Variants in FBXO11 observed in about 807,000 individuals in gnomAD.
The protein encoded by FBXO11 is F-box protein 11.
A neutral mutation model predicts 117.0 loss-of-function variants in FBXO11; 13 were observed. That is an observed-to-expected ratio of 0.11 (90% CI 0.07 to 0.18). FBXO11 has a LOEUF of 0.18. Among genes scored for constraint, FBXO11 ranks in the 10% least tolerant of loss-of-function variants. The probability of loss-of-function intolerance (pLI) is 1.00; values close to 1 mark genes in which losing one functional copy is unlikely to be tolerated. For missense variants in FBXO11, 767 were observed against 1,164.4 expected, an observed-to-expected ratio of 0.66 and a Z score of 4.97; for synonymous variants, 490 against 380.5, an observed-to-expected ratio of 1.29 and a Z score of -3.35.
At chr2:47,857,781 A>G (rs1365557293) in intron 1 of FBXO11, among the ~76,000 whole-genome samples, 1 of 152,220 alleles carries the variant, frequency 6.6e-6, no homozygotes, top group African/African-American at 2.4e-5. Context: ...AATATACAAA[A>G]CTGGCAGACG....
chr2:47,856,965 T>C (rs916448162), intron 1 of FBXO11, among the ~76,000 whole-genome samples: 1 of 152,230 alleles, frequency 6.6e-6, no homozygotes, highest in Non-Finnish European at 1.5e-5. Context: ...GGTAAGAATG[T>C]TGTATGTAGA....
rs755682143 is a variant in FBXO11, at chr2:47,839,652, T to C, written c.350A>G (p.Asn117Ser). 13 of 1,614,100 alleles carry C rather than the reference T, an allele frequency of 8.1e-6. No individual in the cohort carries two copies. Among genetic ancestry groups the C allele is most frequent in the Non-Finnish European group, 1.1e-5 (13 of 1,180,014 alleles). Reference protein sequence around the residue: ...LPKRTACPTKNSMEGASTSTT... With the variant: ...LPKRTACPTKSSMEGASTSTT... ...TACAGTTAAAGTTACCTCCATACTG[T>C]TCTTTGTGGGACACGCTGTTCTTTT... is the stretch of plus-strand genomic sequence containing the variant. Residue 117 changes from asparagine to serine, a missense_variant, in exon 2 of 23, where the codon AAC (asparagine) becomes AGC (serine). Coordinates refer to ENST00000403359, the MANE Select transcript of FBXO11 (RefSeq NM_001190274.2).
chr2:47,813,425 ATTT>A (rs564540671), intron 17 of FBXO11, 48 bp from the exon 18 acceptor site: 21,219 of 387,556 alleles, frequency 0.055, 91 homozygotes, highest in Non-Finnish European at 0.064. Context: ...TTTCTTTTTA[ATTT>A]TTTTTTTTTT....
intron 1 of FBXO11, chr2:47,883,625 T>C: frequency 3.1e-6 from 1 of 321,566 alleles, no homozygotes; most frequent in Non-Finnish European, 6.3e-6. Flanking sequence ...GTACTTTATC[T>C]AACTACAACA....
chr2:47,891,566 G>C (rs1572914853), intron 1 of FBXO11, among the ~76,000 whole-genome samples: 1 of 152,184 alleles, frequency 6.6e-6, no homozygotes. Context: ...ATTGTGAATA[G>C]TGCCATTATA....
chr2:47,905,553 C>T lies in FBXO11; in HGVS notation c.168G>A (p.Gln56=), dbSNP rs1459312469. The change falls in exon 1 of 23, where the codon CAG becomes CAA. Residue 56 remains glutamine (Q), a synonymous_variant. Transcript: ENST00000403359. ...GAGGCGGCGGTGGCGGCGGCGGAGG[C>T]TGCTGCTGCTGCTGCTGCTGCGGCG... is the stretch of plus-strand genomic sequence containing the variant. The part of the protein sequence containing the change: ...PPPPQQQQQQ[Q]PPPPPPPPPP... The T allele has an allele frequency of 1.8e-5, 21 of 1,178,632 alleles. No homozygotes were observed. The highest frequency in any genetic ancestry group is 3.8e-5 in the South Asian group (1 of 26,646). The allele number at this position is 1,178,632 out of a possible 1,614,324, so 73.0% of individuals were successfully genotyped here. A position where few individuals can be genotyped will look rare whatever the true frequency, so the allele number is the denominator to read the frequency against.
At chr2:47,834,732 C>A in intron 6 of FBXO11, 21 bp from the exon 7 acceptor site, 1 of 1,606,938 alleles carries the variant, frequency 6.2e-7, no homozygotes, top group Non-Finnish European at 8.5e-7. Context: ...ATAAATGTGT[C>A]AGTACAGAAC....
intron 1 of FBXO11, among the ~76,000 whole-genome samples, chr2:47,885,550 G>A (rs951060671): frequency 5.9e-5 from 9 of 152,100 alleles, no homozygotes; most frequent in Middle Eastern, 3.4e-3. Flanking sequence ...ACTCCAGCCT[G>A]GGCAACATAG....
intron 14 of FBXO11, among the ~76,000 whole-genome samples, chr2:47,820,039 A>G (rs1558410966): frequency 6.6e-6 from 1 of 152,216 alleles, no homozygotes; most frequent in African/African-American, 2.4e-5. Context: ...TGGTGTAACA[A>G]ATATAATAGA....
chr2:47,905,388 G>A, intron 1 of FBXO11, 101 bp downstream of exon 1: 1 of 1,072,560 alleles, frequency 9.3e-7, no homozygotes, highest in Non-Finnish European at 1.1e-6. Context: ...CCACCCCCAG[G>A]GCGCGCAGGC....
chr2:47,842,090 A>T (rs1002059147), intron 1 of FBXO11, among the ~76,000 whole-genome samples: 1 of 150,728 alleles, frequency 6.6e-6, no homozygotes, highest in Non-Finnish European at 1.5e-5. Context: ...ATCTCGGCTC[A>T]CTGCAACCTC....
chr2:47,851,154 A>AAATTAAC (rs143851323), intron 1 of FBXO11, among the ~76,000 whole-genome samples: 23,247 of 152,150 alleles, frequency 0.15, 1,883 homozygotes, highest in Non-Finnish European at 0.18. Flanking sequence ...CCATAGCCCC[A>AAATTAAC]AATTAAGTCA....
Position 47,808,219 on chromosome 2 carries a change from G to C in FBXO11, c.2683C>G (p.Leu895Val). ...RFFCDCGAGT[L>V]SNPCTLAGEP... ...CCAGCTAATGTACAAGGATTAGACA[G>C]TGTTCCAGCACCACAGTCACAGAAA... Residue 895 changes from leucine to valine, a missense_variant, in exon 23 of 23, where the codon CTG (leucine) becomes GTG (valine). Coordinates refer to ENST00000403359, the MANE Select transcript of FBXO11 (RefSeq NM_001190274.2). 1 of 1,613,410 alleles carries C rather than the reference G, an allele frequency of 6.2e-7. No homozygotes were observed. Among genetic ancestry groups the C allele is most frequent in the Non-Finnish European group, 8.5e-7 (1 of 1,179,850 alleles).
At chr2:47,851,615 C>G (rs1230200159) in intron 1 of FBXO11, among the ~76,000 whole-genome samples, 1 of 152,032 alleles carries the variant, frequency 6.6e-6, no homozygotes, top group Non-Finnish European at 1.5e-5. Context: ...GATATGTAAA[C>G]AAATAAAGCA....
At chr2:47,902,065 A>C (rs1678339074) in intron 1 of FBXO11, among the ~76,000 whole-genome samples, 1 of 152,182 alleles carries the variant, frequency 6.6e-6, no homozygotes, top group Non-Finnish European at 1.5e-5. Context: ...CCTCCAGAGT[A>C]GCTGGGATTA....
At chr2:47,888,673 A>G in intron 1 of FBXO11, 1 of 983,402 alleles carries the variant, frequency 1.0e-6, no homozygotes, top group African/African-American at 1.7e-5. Flanking sequence ...TTCCTGTTAG[A>G]CAGTTTTTCA....
Position 47,808,446 on chromosome 2 carries a change from A to C in FBXO11, c.2556-19T>G, listed in dbSNP as rs1460227977. The C allele has an allele frequency of 7.7e-6, 12 of 1,561,010 alleles. No homozygotes were observed. Among genetic ancestry groups the C allele is most frequent in the Non-Finnish European group, 1.0e-5 (12 of 1,157,172 alleles). On this transcript the variant is annotated intron_variant, in intron 21 of 22. Coordinates refer to ENST00000403359, the MANE Select transcript of FBXO11 (RefSeq NM_001190274.2). The stretch of plus-strand genomic sequence containing the variant: ...ATGACATCTAAAAAGCAAAAGCTTA[A>C]ATTACTTTTCTCAAACATGTCATTA...
chr2:47,860,191 T>C (rs1674648568), intron 1 of FBXO11, among the ~76,000 whole-genome samples: 1 of 152,190 alleles, frequency 6.6e-6, no homozygotes, highest in South Asian at 2.1e-4. Flanking sequence ...TAGTGTTAAA[T>C]GAAACTGCTG....
intron 18 of FBXO11, among the ~76,000 whole-genome samples, chr2:47,811,942 C>T (rs866795756): frequency 2.0e-5 from 3 of 151,190 alleles, no homozygotes; most frequent in Non-Finnish European, 2.9e-5. Context: ...ACATGTCCCA[C>T]CCCCTGCCCC....
Sources: gnomAD v4.1 joint callset for allele counts (sites outside exome capture counted in the v4.1 genomes callset) on GRCh38, gnomAD v4.1.1 for gene constraint, MANE v1.5 for transcripts, NCBI Gene and HGNC (gene_info 2026-07-23, HGNC 2026-07-21) for gene names.